The following ME2 variants were observed in gnomAD, a reference collection of about 807,000 sequenced individuals.
ME2 encodes malic enzyme 2, also known as NAD-dependent malic enzyme, mitochondrial.
Under a neutral mutation model 73.7 loss-of-function variants are expected in ME2, and 60 were observed. That is an observed-to-expected ratio of 0.81 (90% CI 0.66 to 1.01). The LOEUF (loss-of-function observed/expected upper bound fraction) is 1.01. Ranked by LOEUF, ME2 falls within the 50% of genes least tolerant of loss-of-function variation. The pLI is 0.00. For synonymous variants in ME2, 199 were observed against 236.9 expected (o/e 0.84, Z 1.47); for missense variants, 594 against 705.5 (o/e 0.84, Z 1.79).
In ME2 at chr18:50,895,879, A is replaced by G; in HGVS notation, c.59A>G (p.His20Arg). ...TGTACTTTGGCATGTCGACATTTGC[A>G]CATAAAAGAAAAAGGCAAGCCACTT... The part of the protein sequence containing the change: ...TTCTLACRHL[H>R]IKEKGKPLML... The change falls in exon 2 of 16, where the codon CAC (histidine) becomes CGC (arginine). Residue 20 changes from histidine to arginine, a missense_variant. Transcript: ENST00000321341. 2.5e-6 allele frequency: 4 copies of G among 1,613,928 alleles called. No homozygotes were observed. The highest frequency in any genetic ancestry group is 3.4e-6 in the Non-Finnish European group (4 of 1,179,964).
intron 10 of ME2, among the ~76,000 whole-genome samples, chr18:50,922,084 G>A (rs1319015952): frequency 1.3e-5 from 2 of 152,178 alleles, no homozygotes; most frequent in South Asian, 2.1e-4. Flanking sequence ...CTATCTAAAT[G>A]TACTTTGTTC....
At chr18:50,919,201 G>A (rs952670855) in intron 7 of ME2, among the ~76,000 whole-genome samples, 6 of 151,890 alleles carry the variant, frequency 4.0e-5, no homozygotes, top group Non-Finnish European at 5.9e-5. Flanking sequence ...TCTCCAGTTC[G>A]TCTCCACCTT....
In ME2 at chr18:50,921,142, A is replaced by G. The variant is rs752530260; in HGVS notation, c.1011A>G (p.Ala337=). Reference sequence around the variant, plus strand: ...AAAATGGCCTGTCAGAACAAGAGGCACAAAAGAAAATCTGGATGTTTGACA... The same window carrying G: ...AAAATGGCCTGTCAGAACAAGAGGCGCAAAAGAAAATCTGGATGTTTGACA... ...MVENGLSEQE[A]QKKIWMFDKY... Residue 337 remains alanine, a synonymous_variant, in exon 10 of 16, where the codon GCA becomes GCG. Coordinates refer to ENST00000321341, the MANE Select transcript of ME2 (RefSeq NM_002396.5). The G allele has an allele frequency of 6.2e-7, 1 of 1,602,894 alleles. No individual in the cohort carries two copies. Among genetic ancestry groups the G allele is most frequent in the East Asian group, 2.3e-5 (1 of 44,228 alleles).
intron 15 of ME2, among the ~76,000 whole-genome samples, chr18:50,943,874 T>C (rs1320838346): frequency 1.3e-5 from 2 of 152,128 alleles, no homozygotes; most frequent in Admixed American, 6.6e-5. Context: ...TTAGAATTTA[T>C]AGAATGATAT....
chr18:50,893,647 A>C (rs545906808), intron 1 of ME2, among the ~76,000 whole-genome samples: 49 of 152,350 alleles, frequency 3.2e-4, no homozygotes, highest in Admixed American at 1.2e-3. Context: ...AAAGGGTCTC[A>C]AATCTCCTAC....
chr18:50,888,995 A>G (rs1377782642), intron 1 of ME2, among the ~76,000 whole-genome samples: 1 of 152,124 alleles, frequency 6.6e-6, no homozygotes, highest in Non-Finnish European at 1.5e-5. Context: ...ATCACTTTCA[A>G]TATTTGTATT....
Position 50,924,172 on chromosome 18 carries a change from T to C in ME2, c.1131T>C (p.Phe377=). Residue 377 remains phenylalanine, a synonymous_variant, in exon 11 of 16, where the codon TTT becomes TTC. Coordinates refer to ENST00000321341, the MANE Select transcript of ME2 (RefSeq NM_002396.5). The stretch of plus-strand genomic sequence containing the variant: ...CCCCAGAGAGCATACCTGATACTTT[T>C]GAAGATGCAGTGAATATACTGAAGC... ...HSAPESIPDT[F]EDAVNILKPS... is the part of the protein sequence containing the mutation. 1 of 1,613,358 alleles carries C rather than the reference T, an allele frequency of 6.2e-7. No homozygotes were observed. Among genetic ancestry groups the C allele is most frequent in the Non-Finnish European group, 8.5e-7 (1 of 1,179,626 alleles).
rs1225474549 is a variant in ME2 at position 50,897,800 on chromosome 18, G to A, written c.108+1872G>A. On this transcript the variant is annotated intron_variant, in intron 2 of 15. Coordinates refer to ENST00000321341, the MANE Select transcript of ME2 (RefSeq NM_002396.5). ...GTTTGAACCCGGAAGTGGAGAGTGC[G>A]GTGAGCCGAGATCGTGCCATTGCAT... 3.3e-5 allele frequency among the ~76,000 whole-genome samples: 5 copies of A among 151,928 alleles called. No individual in the cohort carries two copies. In the South Asian group the frequency reaches 6.2e-4, roughly 19 times the overall value.
intron 2 of ME2, among the ~76,000 whole-genome samples, chr18:50,904,422 G>A (rs1362671379): frequency 6.6e-6 from 1 of 151,718 alleles, no homozygotes; most frequent in Admixed American, 6.6e-5. Context: ...GGGACTACAG[G>A]CACCCACCAC....
intron 4 of ME2, chr18:50,915,422 G>A (rs1038678786): frequency 2.6e-5 from 4 of 152,000 alleles, no homozygotes; most frequent in Admixed American, 6.6e-5. Flanking sequence ...TTGAACCCTC[G>A]GTGGAGGGGC....
At chr18:50,885,709 A>G (rs1916446239) in intron 1 of ME2, among the ~76,000 whole-genome samples, 1 of 152,084 alleles carries the variant, frequency 6.6e-6, no homozygotes, top group Admixed American at 6.6e-5. Flanking sequence ...TATAATTAAC[A>G]TTATTATTCA....
intron 15 of ME2, among the ~76,000 whole-genome samples, chr18:50,942,023 G>A (rs1568176683): frequency 6.6e-6 from 1 of 151,916 alleles, no homozygotes; most frequent in South Asian, 2.1e-4. Context: ...TGTTTGACAT[G>A]TCTTTTAAAA....
At chr18:50,939,274 G>A (rs2144266779) in intron 13 of ME2, 1 of 242,068 alleles carries the variant, frequency 4.1e-6, no homozygotes, top group East Asian at 9.5e-5. Context: ...GTTAGAGGTG[G>A]GCTGGGAACT....
chr18:50,947,687 T>C lies in ME2; in HGVS notation c.*503T>C, dbSNP rs186957285. On this transcript the variant is annotated 3_prime_UTR_variant, in exon 16 of 16. Coordinates refer to ENST00000321341, the MANE Select transcript of ME2 (RefSeq NM_002396.5). ...TATCTGCTTCATCTTACCTTCATAC[T>C]CTGAAATTCCCTATAGCAGACAGAG... 2 of 152,498 alleles carry C rather than the reference T, an allele frequency of 1.3e-5. No individual in the cohort carries two copies. Among genetic ancestry groups the C allele is most frequent in the East Asian group, 3.9e-4 (2 of 5,192 alleles). 9.4% of individuals were successfully genotyped at this position (152,498 alleles called of 1,614,324 possible). A position where few individuals can be genotyped will look rare whatever the true frequency, so the allele number is the denominator to read the frequency against.
At chr18:50,918,513 C>T (rs1249191003) in intron 7 of ME2, among the ~76,000 whole-genome samples, 1 of 152,160 alleles carries the variant, frequency 6.6e-6, no homozygotes. Flanking sequence ...CCTTCAGGCT[C>T]ACGCCCACCA....
rs143116845 is a variant in ME2, at chr18:50,932,111, G to A, written c.1315-147G>A. 3.1e-5 allele frequency: 16 copies of A among 519,394 alleles called. No individual in the cohort carries two copies. In the East Asian group the frequency reaches 4.3e-4, roughly 14 times the overall value. The allele number at this position is 519,394 out of a possible 1,614,324, so 32.2% of individuals were successfully genotyped here. ...CTCATTCTAACAAAAGGATTGTAAC[G>A]AAAAGATTGTTATATAGTATATTAT... is the stretch of plus-strand genomic sequence containing the variant. On this transcript the variant is annotated intron_variant, in intron 12 of 15. Transcript: ENST00000321341.
At chr18:50,922,340 C>T (rs1917448352) in intron 10 of ME2, among the ~76,000 whole-genome samples, 1 of 152,156 alleles carries the variant, frequency 6.6e-6, no homozygotes, top group Non-Finnish European at 1.5e-5. Context: ...AGGGAGTTTT[C>T]CAAAGTCATC....
rs1380547618 is a variant in ME2, at chr18:50,947,969, A to G, written c.*785A>G. On this transcript the variant is annotated 3_prime_UTR_variant, in exon 16 of 16. Transcript: ENST00000321341. ...AAAAACACATATTTTTGTTACTTCT[A>G]GATGATTCTAGGAGGGAGTATAAGA... The G allele has an allele frequency of 6.6e-6, 1 of 152,216 alleles. No individual in the cohort carries two copies. The highest frequency in any genetic ancestry group is 1.5e-5 in the Non-Finnish European group (1 of 68,030). The allele number at this position is 152,216 out of a possible 1,614,324, so 9.4% of individuals were successfully genotyped here.
intron 15 of ME2, among the ~76,000 whole-genome samples, chr18:50,946,778 C>T (rs756388767): frequency 3.9e-5 from 6 of 152,142 alleles, no homozygotes; most frequent in Admixed American, 3.3e-4. Flanking sequence ...ATAGGCTGGG[C>T]AGGTTATCTA....
Sources: gnomAD v4.1 joint callset for allele counts (sites outside exome capture counted in the v4.1 genomes callset) on GRCh38, gnomAD v4.1.1 for gene constraint, MANE v1.5 for transcripts, NCBI Gene and HGNC (gene_info 2026-07-23, HGNC 2026-07-21) for gene names.